Variants in ZNF438 observed in about 807,000 individuals in gnomAD.
The protein encoded by ZNF438 is zinc finger protein 438.
In ZNF438, 25 loss-of-function variants were observed where a neutral mutation model predicts 38.0. That is an observed-to-expected ratio of 0.66 (90% CI 0.48 to 0.92). The LOEUF (loss-of-function observed/expected upper bound fraction) is 0.92, where lower values mean the gene tolerates loss of function less well. Ranked by LOEUF, ZNF438 falls within the 40% of genes least tolerant of loss-of-function variation. The probability of loss-of-function intolerance (pLI) is 0.00; values close to 1 mark genes in which losing one functional copy is unlikely to be tolerated. For synonymous variants in ZNF438, 372 were observed against 364.1 expected (o/e 1.02, Z -0.25); for missense variants, 1,007 against 999.6 (o/e 1.01, Z -0.10).
At chr10:31,010,572 C>T (rs992708566) in intron 1 of ZNF438, among the ~76,000 whole-genome samples, 4 of 152,060 alleles carry the variant, frequency 2.6e-5, no homozygotes, top group African/African-American at 9.6e-5. Context: ...AAAAATTGAA[C>T]ATGTTTAATT....
intron 1 of ZNF438, among the ~76,000 whole-genome samples, chr10:31,011,114 T>C (rs1388596444): frequency 6.6e-6 from 1 of 152,066 alleles, no homozygotes; most frequent in African/African-American, 2.4e-5. Flanking sequence ...CACGTACCAC[T>C]GTCAGGCAAA....
At chr10:30,911,252 G>C (rs2043051820) in intron 2 of ZNF438, among the ~76,000 whole-genome samples, 1 of 152,096 alleles carries the variant, frequency 6.6e-6, no homozygotes, top group Non-Finnish European at 1.5e-5. Context: ...CATTTATTTA[G>C]TGAATACCTG....
intron 3 of ZNF438, among the ~76,000 whole-genome samples, chr10:30,895,897 A>G (rs1391910630): frequency 6.6e-6 from 1 of 152,238 alleles, no homozygotes; most frequent in East Asian, 1.9e-4. Flanking sequence ...CTTATTTACC[A>G]TTGGAAATGT....
chr10:30,870,149 C>A (rs781561140), intron 4 of ZNF438, among the ~76,000 whole-genome samples: 4 of 152,182 alleles, frequency 2.6e-5, no homozygotes, highest in Non-Finnish European at 5.9e-5. Context: ...ACTGTGCTTT[C>A]AAAGTTTTTA....
chr10:30,848,539 T>C, exon 5 of ZNF438: 1 of 1,610,850 alleles, frequency 6.2e-7, no homozygotes, highest in Non-Finnish European at 8.5e-7. Context: ...ACCTCTCCAA[T>C]GATCCCTCCA....
intron 1 of ZNF438, among the ~76,000 whole-genome samples, chr10:31,014,100 T>A (rs1415936957): frequency 6.6e-6 from 1 of 152,220 alleles, no homozygotes; most frequent in Non-Finnish European, 1.5e-5. Flanking sequence ...CATTATTCTT[T>A]CTTGGTGTCC....
intron 1 of ZNF438, among the ~76,000 whole-genome samples, chr10:31,024,423 G>A (rs2056807090): frequency 1.3e-5 from 2 of 152,098 alleles, no homozygotes; most frequent in Non-Finnish European, 2.9e-5. Flanking sequence ...TCAGGAGATC[G>A]AGACCATCCT....
chr10:30,958,794 A>G (rs1191096735), intron 1 of ZNF438, among the ~76,000 whole-genome samples: 2 of 147,034 alleles, frequency 1.4e-5, no homozygotes, highest in African/African-American at 4.9e-5. Context: ...GAAATTTCAT[A>G]AGTGAAATCA....
At chr10:30,925,017 T>C (rs2044746098) in intron 2 of ZNF438, among the ~76,000 whole-genome samples, 1 of 152,224 alleles carries the variant, frequency 6.6e-6, no homozygotes, top group Admixed American at 6.5e-5. Flanking sequence ...AGAAACGCAA[T>C]TGGGTTCCCT....
intron 2 of ZNF438, among the ~76,000 whole-genome samples, chr10:30,909,236 C>G (rs1254665805): frequency 6.6e-6 from 1 of 152,064 alleles, no homozygotes; most frequent in East Asian, 1.9e-4. Context: ...ATGAATATGA[C>G]TTAAATACTA....
intron 1 of ZNF438, among the ~76,000 whole-genome samples, chr10:31,018,287 C>T (rs1403643384): frequency 6.6e-6 from 1 of 152,220 alleles, no homozygotes; most frequent in Non-Finnish European, 1.5e-5. Context: ...TATATTATAA[C>T]TAAAAACTAT....
chr10:31,030,040 T>C (rs1304387759), intron 1 of ZNF438, among the ~76,000 whole-genome samples: 1 of 152,222 alleles, frequency 6.6e-6, no homozygotes, highest in Non-Finnish European at 1.5e-5. Flanking sequence ...GAAAGGGAGA[T>C]ACTAGGTTAC....
At chr10:30,945,448 T>C (rs897864022) in intron 1 of ZNF438, among the ~76,000 whole-genome samples, 1 of 151,688 alleles carries the variant, frequency 6.6e-6, no homozygotes, top group African/African-American at 2.4e-5. Context: ...TAGGTGCACA[T>C]TGTGCAGGTT....
At chr10:30,996,380 C>T (rs763201441) in intron 1 of ZNF438, among the ~76,000 whole-genome samples, 1 of 151,972 alleles carries the variant, frequency 6.6e-6, no homozygotes, top group Non-Finnish European at 1.5e-5. Context: ...ATTTTAGGTT[C>T]AATCATACAA....
intron 3 of ZNF438, among the ~76,000 whole-genome samples, chr10:30,905,705 T>C (rs1564617432): frequency 2.0e-5 from 3 of 152,242 alleles, no homozygotes; most frequent in Non-Finnish European, 4.4e-5. Context: ...TTTCAGTCTA[T>C]GTTTTCCTCT....
chr10:30,904,871 C>T (rs1490969196), intron 3 of ZNF438, among the ~76,000 whole-genome samples: 1 of 152,178 alleles, frequency 6.6e-6, no homozygotes, highest in African/African-American at 2.4e-5. Context: ...AGAGAACTGT[C>T]CCTGACCTAG....
intron 3 of ZNF438, among the ~76,000 whole-genome samples, chr10:30,907,497 TTG>T (rs1312439652): frequency 1.3e-5 from 2 of 152,174 alleles, no homozygotes; most frequent in African/African-American, 4.8e-5. Context: ...GGCCTGGGTT[TTG>T]TGTGTGTGAA....
At position 30,883,000 on chromosome 10, in the gene ZNF438, C is replaced by T. The variant is rs573559485; in HGVS notation, c.-31-5935G>A. ...TACTATGCACTCTGGAAAAGATATA[C>T]TGGACATGGTTCTTGTATTCTTGTC... On this transcript the variant is annotated intron_variant, in intron 3 of 5. Transcript: ENST00000413025. Among the ~76,000 whole-genome samples, 7 of 152,196 alleles carry T rather than the reference C, an allele frequency of 4.6e-5. No individual in the cohort carries two copies. The East Asian group carries it at 1.4e-3, about 29-fold the overall frequency.
At chr10:31,007,068 T>C (rs2055208379) in intron 1 of ZNF438, among the ~76,000 whole-genome samples, 1 of 152,032 alleles carries the variant, frequency 6.6e-6, no homozygotes, top group Non-Finnish European at 1.5e-5. Context: ...GCCCAGCCAC[T>C]GCTGTCTCTG....
Sources: gnomAD v4.1 joint callset for allele counts (sites outside exome capture counted in the v4.1 genomes callset) on GRCh38, gnomAD v4.1.1 for gene constraint, MANE v1.5 for transcripts, NCBI Gene and HGNC (gene_info 2026-07-23, HGNC 2026-07-21) for gene names.